Variants in KIRREL3 observed in about 807,000 individuals in gnomAD.
The protein encoded by KIRREL3 is kirre like nephrin family adhesion molecule 3, also known as kin of IRRE-like protein 3.
A neutral mutation model predicts 89.7 loss-of-function variants in KIRREL3; 36 were observed. The observed-to-expected ratio is 0.40, with a 90% CI of 0.31 to 0.53. The LOEUF (loss-of-function observed/expected upper bound fraction) is 0.53, where lower values mean the gene tolerates loss of function less well. Ranked by LOEUF, KIRREL3 falls within the 20% of genes least tolerant of loss-of-function variation. The pLI, the probability that KIRREL3 is intolerant of heterozygous loss-of-function variation, is 0.49. For missense variants in KIRREL3, 864 were observed against 1,056.6 expected (o/e 0.82, Z 2.53); for synonymous variants, 445 against 441.4 (o/e 1.01, Z -0.10).
chr11:126,825,648 C>G (rs1459102400), intron 1 of KIRREL3, among the ~76,000 whole-genome samples: 4 of 152,190 alleles, frequency 2.6e-5, no homozygotes, highest in Non-Finnish European at 5.9e-5. Flanking sequence ...TACTACATTC[C>G]TGTTAGAAGT....
Position 126,513,244 on chromosome 11 carries a change from A to C in KIRREL3, c.433+8071T>G, listed in dbSNP as rs80184542. Among the ~76,000 whole-genome samples the C allele has an allele frequency of 6.6e-6, 1 of 152,048 alleles. No individual in the cohort carries two copies. The highest frequency in any genetic ancestry group is 1.5e-5 in the Non-Finnish European group (1 of 68,020). Reference sequence around the variant, plus strand: ...CTTCCCTTGTCCTGGTGTTGGGAGCAAAAGATGCTGGGGGGTATGGGGGCT... The same window carrying C: ...CTTCCCTTGTCCTGGTGTTGGGAGCCAAAGATGCTGGGGGGTATGGGGGCT... On this transcript the variant is annotated intron_variant, in intron 4 of 16. Coordinates refer to ENST00000525144, the MANE Select transcript of KIRREL3 (RefSeq NM_032531.4). This position sits in a 1 kb window ranked among gnomAD's most constrained non-coding sequence, Gnocchi z 5.9.
At chr11:126,930,792 T>G (rs978915590) in intron 1 of KIRREL3, among the ~76,000 whole-genome samples, 9 of 152,176 alleles carry the variant, frequency 5.9e-5, no homozygotes, top group Admixed American at 5.9e-4. Flanking sequence ...TGTGTTACTG[T>G]CCTGCTCAGT....
rs1395425440 is a variant in KIRREL3, at chr11:126,696,845, T to C, written c.56-133933A>G. On this transcript the variant is annotated intron_variant, in intron 1 of 16. Transcript: ENST00000525144. This position sits in a 1 kb window ranked among gnomAD's most constrained non-coding sequence, Gnocchi z 4.4. The stretch of plus-strand genomic sequence containing the variant: ...CTGTGGAATGAGGTTGACTAGCGCT[T>C]ACATCCAGACACTACTGTACCACTT... Among the ~76,000 whole-genome samples, 1 of 152,180 alleles carries C rather than the reference T, an allele frequency of 6.6e-6. No homozygotes were observed. Among genetic ancestry groups the C allele is most frequent in the African/African-American group, 2.4e-5 (1 of 41,434 alleles).
intron 1 of KIRREL3, among the ~76,000 whole-genome samples, chr11:126,882,286 A>G (rs1945534252): frequency 6.6e-6 from 1 of 152,204 alleles, no homozygotes; most frequent in Admixed American, 6.5e-5. Flanking sequence ...TATTCTTTCC[A>G]GTATGGGGCA....
chr11:126,746,830 C>A (rs1337981363), intron 1 of KIRREL3, among the ~76,000 whole-genome samples: 1 of 152,176 alleles, frequency 6.6e-6, no homozygotes, highest in Non-Finnish European at 1.5e-5. Context: ...TTAGCAAGAA[C>A]CTGCGGAGCT....
chr11:126,478,656 T>C (rs961586259), intron 4 of KIRREL3, among the ~76,000 whole-genome samples: 1 of 129,182 alleles, frequency 7.7e-6, no homozygotes, highest in Non-Finnish European at 1.5e-5. Flanking sequence ...TATGTATGTG[T>C]ATATGTATAT....
At chr11:126,573,296 T>A (rs1846351346) in intron 1 of KIRREL3, among the ~76,000 whole-genome samples, 1 of 152,130 alleles carries the variant, frequency 6.6e-6, no homozygotes, top group South Asian at 2.1e-4. Context: ...GCTCTCCAGC[T>A]CTCCTTGCTG....
In KIRREL3 at chr11:126,639,249, T is replaced by A. The variant is rs1944379379; in HGVS notation, c.56-76337A>T. Among the ~76,000 whole-genome samples the A allele has an allele frequency of 6.6e-6, 1 of 152,116 alleles. No homozygotes were observed. The highest frequency in any genetic ancestry group is 2.4e-5 in the African/African-American group (1 of 41,428). ...TGGCTCTGACCTTTTGATAACATTT[T>A]AAAAAAAGAAACCTTACATATTGAC... On this transcript the variant is annotated intron_variant, in intron 1 of 16. Coordinates refer to ENST00000525144, the MANE Select transcript of KIRREL3 (RefSeq NM_032531.4). This position sits in a 1 kb window ranked among gnomAD's most constrained non-coding sequence, Gnocchi z 4.3.
rs537620752 is a variant in KIRREL3 at position 126,934,408 on chromosome 11, C to T, written c.55+66047G>A. On this transcript the variant is annotated intron_variant, in intron 1 of 16. Transcript: ENST00000525144. Reference sequence around the variant, plus strand: ...CACTGTGACTTTGGGTTTTTCTATACACACCAAAAGCACAATCCATAGAAT... The same window carrying T: ...CACTGTGACTTTGGGTTTTTCTATATACACCAAAAGCACAATCCATAGAAT... Among the ~76,000 whole-genome samples the T allele has an allele frequency of 7.9e-5, 12 of 152,160 alleles. No homozygotes were observed. The South Asian group carries it at 2.3e-3, about 29-fold the overall frequency.
chr11:126,723,145 G>A lies in KIRREL3; in HGVS notation c.56-160233C>T, dbSNP rs559264784. Among the ~76,000 whole-genome samples, 9 of 152,270 alleles carry A rather than the reference G, an allele frequency of 5.9e-5. No individual in the cohort carries two copies. The South Asian group carries it at 8.3e-4, about 14-fold the overall frequency. ...AGTGGGTAGGGACTGTGGTTTGTTC[G>A]TCTCCGTCCCAGGCATCTATCTCAG... On this transcript the variant is annotated intron_variant, in intron 1 of 16. Transcript: ENST00000525144. The surrounding 1 kb of genome is among the most constrained non-coding windows in gnomAD (Gnocchi z 4.0).
upstream of KIRREL3, chr11:127,003,123 A>AG (rs1471560035): frequency 1.3e-5 from 2 of 152,200 alleles, no homozygotes; most frequent in African/African-American, 2.4e-5. Context: ...AAAGAAAGAA[A>AG]AAAAAAAAAG....
rs142634891 is a variant in KIRREL3, at chr11:126,595,937, A to G, written c.56-33025T>C. ...TGGTCATAAAGAATTGTAATAAACA[A>G]TGATTAAGGGTCACAATATAGGCTG... is the stretch of plus-strand genomic sequence containing the variant. On this transcript the variant is annotated intron_variant, in intron 1 of 16. Coordinates refer to ENST00000525144, the MANE Select transcript of KIRREL3 (RefSeq NM_032531.4). Among the ~76,000 whole-genome samples the G allele has an allele frequency of 4.2e-3, 645 of 152,316 alleles. 3 individuals carry two copies. The highest frequency in any genetic ancestry group is 0.015 in the African/African-American group (609 of 41,552).
At chr11:126,472,674 C>T (rs1324912402) in intron 5 of KIRREL3, among the ~76,000 whole-genome samples, 1 of 140,640 alleles carries the variant, frequency 7.1e-6, no homozygotes, top group Admixed American at 8.0e-5. Context: ...TTGTTAGGGT[C>T]TTCCCCAGCA....
intron 1 of KIRREL3, among the ~76,000 whole-genome samples, chr11:126,937,792 G>A (rs774080194): frequency 2.0e-5 from 3 of 152,158 alleles, no homozygotes; most frequent in East Asian, 1.9e-4. Flanking sequence ...CCAGCTGCTC[G>A]GGAGGCTGAG....
At chr11:126,885,924 A>C (rs968868202) in intron 1 of KIRREL3, among the ~76,000 whole-genome samples, 4 of 152,256 alleles carry the variant, frequency 2.6e-5, no homozygotes, top group African/African-American at 9.6e-5. Flanking sequence ...TGATTATGGG[A>C]TATTGAACCT....
At chr11:126,673,076 G>A (rs1666521310) in intron 1 of KIRREL3, among the ~76,000 whole-genome samples, 2 of 152,176 alleles carry the variant, frequency 1.3e-5, no homozygotes, top group Admixed American at 1.3e-4. Context: ...GAGCCAGGAA[G>A]CAGGAATACA....
rs1410117527 is a variant in KIRREL3 at position 126,489,501 on chromosome 11, C to T, written c.434-16035G>A. 6.6e-6 allele frequency among the ~76,000 whole-genome samples: 1 copy of T among 152,148 alleles called. No individual in the cohort carries two copies. Among genetic ancestry groups the T allele is most frequent in the Non-Finnish European group, 1.5e-5 (1 of 68,032 alleles). On this transcript the variant is annotated intron_variant, in intron 4 of 16. Coordinates refer to ENST00000525144, the MANE Select transcript of KIRREL3 (RefSeq NM_032531.4). The surrounding 1 kb of genome is among the most constrained non-coding windows in gnomAD (Gnocchi z 5.5). ...CTATGTTCCAAAAGCTTCCTGATGGCCCTATTGTTACTCCATCTTGGATTC... is the reference window on the plus strand; with the variant it reads ...CTATGTTCCAAAAGCTTCCTGATGGTCCTATTGTTACTCCATCTTGGATTC...
At chr11:126,902,246 G>A (rs578095674) in intron 1 of KIRREL3, among the ~76,000 whole-genome samples, 1 of 152,328 alleles carries the variant, frequency 6.6e-6, no homozygotes, top group African/African-American at 2.4e-5. Flanking sequence ...TACCCACTGT[G>A]GGAAGGGCTG....
At position 126,782,916 on chromosome 11, in the gene KIRREL3, G is replaced by T. The variant is rs965373131; in HGVS notation, c.55+217539C>A. 7.9e-5 allele frequency among the ~76,000 whole-genome samples: 12 copies of T among 152,156 alleles called. No individual in the cohort carries two copies. The highest frequency in any genetic ancestry group is 2.9e-4 in the African/African-American group (12 of 41,432). On this transcript the variant is annotated intron_variant, in intron 1 of 16. Coordinates refer to ENST00000525144, the MANE Select transcript of KIRREL3 (RefSeq NM_032531.4). This position sits in a 1 kb window ranked among gnomAD's most constrained non-coding sequence, Gnocchi z 4.1. ...AGAGTTTGGTTTCTGATACCACTCT[G>T]TAATAAAAGGAACCAGGGCTCCTTG...
Sources: allele counts gnomAD v4.1 joint callset (sites outside exome capture counted in the v4.1 genomes callset), GRCh38; gene constraint gnomAD v4.1.1; non-coding constraint Gnocchi (gnomAD v3.1); transcripts MANE v1.5; gene names NCBI Gene and HGNC (gene_info 2026-07-23, HGNC 2026-07-21).